ARSG: variants seen among roughly 807,000 people sequenced by gnomAD.
The protein encoded by ARSG is arylsulfatase G, also known as ASG.
ARSG carries 37 observed loss-of-function variants against 50.5 expected under a neutral mutation model. The observed-to-expected ratio is 0.73, with a 90% CI of 0.56 to 0.96. The LOEUF is 0.96. ARSG is among the 50% of genes least tolerant of loss of function. The probability of loss-of-function intolerance (pLI) is 0.00; values close to 1 mark genes in which losing one functional copy is unlikely to be tolerated. For missense variants in ARSG, 629 were observed against 675.3 expected (o/e 0.93, Z 0.76); for synonymous variants, 225 against 254.6 (o/e 0.88, Z 1.11).
chr17:68,335,059 C>T (rs935137752), intron 2 of ARSG, among the ~76,000 whole-genome samples: 8 of 152,006 alleles, frequency 5.3e-5, no homozygotes, highest in Admixed American at 2.0e-4. Context: ...TGCAGTGGTG[C>T]GATCATGATT....
At chr17:68,313,525 C>T (rs546376205) in intron 2 of ARSG, among the ~76,000 whole-genome samples, 2 of 152,248 alleles carry the variant, frequency 1.3e-5, no homozygotes, top group South Asian at 4.1e-4. Context: ...GGATTGAAGG[C>T]CCACCCTACT....
intron 1 of ARSG, among the ~76,000 whole-genome samples, chr17:68,298,825 G>A (rs1036861395): frequency 2.0e-5 from 3 of 151,880 alleles, no homozygotes; most frequent in African/African-American, 7.3e-5. Context: ...TCTTGTAAAG[G>A]CACTAATCCC....
intron 2 of ARSG, among the ~76,000 whole-genome samples, chr17:68,333,120 C>G (rs1327880359): frequency 1.3e-5 from 2 of 151,676 alleles, no homozygotes; most frequent in Non-Finnish European, 2.9e-5. Flanking sequence ...ACCATCCTGG[C>G]TAACATGGTG....
intron 8 of ARSG, among the ~76,000 whole-genome samples, chr17:68,382,139 T>C (rs2080465974): frequency 1.3e-5 from 2 of 152,010 alleles, no homozygotes; most frequent in Admixed American, 1.3e-4. Context: ...TTAGTAGAGA[T>C]GGGGTTTCAC....
the ARSG span, among the ~76,000 whole-genome samples, chr17:68,447,566 G>GACCTAGTAA: frequency 2.0e-5 from 3 of 151,902 alleles, no homozygotes; most frequent in Non-Finnish European, 4.4e-5. Flanking sequence ...TTATAGTAAA[G>GACCTAGTAA]ACCTAGTAAA....
chr17:68,439,732 C>T, the ARSG span, among the ~76,000 whole-genome samples: 2 of 152,190 alleles, frequency 1.3e-5, no homozygotes, highest in African/African-American at 2.4e-5. Flanking sequence ...CTGAGGTCTG[C>T]TATGTACTGT....
At chr17:68,438,770 T>C in the ARSG span, among the ~76,000 whole-genome samples, 2 of 152,158 alleles carry the variant, frequency 1.3e-5, no homozygotes, top group Non-Finnish European at 2.9e-5. Context: ...CCAGCTAATT[T>C]TTGTATTTTC....
chr17:68,273,835 G>T, intron 1 of ARSG: 1 of 1,439,138 alleles, frequency 6.9e-7, no homozygotes, highest in Non-Finnish European at 9.5e-7. Context: ...GAAAGAGAAA[G>T]AAATATAGTT....
the ARSG span, chr17:68,435,784 CCT>C: frequency 2.2e-6 from 3 of 1,355,628 alleles, no homozygotes; most frequent in Non-Finnish European, 3.2e-6. Flanking sequence ...CCCTCCCCTT[CCT>C]CTTTTCTCCT....
chr17:68,365,165 C>G (rs1256096573), intron 6 of ARSG, among the ~76,000 whole-genome samples: 4 of 152,064 alleles, frequency 2.6e-5, no homozygotes, highest in Non-Finnish European at 5.9e-5. Context: ...CAAAAATTAG[C>G]CAGGTGTGGT....
chr17:68,310,237 A>C (rs1599663803), intron 2 of ARSG, among the ~76,000 whole-genome samples: 1 of 152,232 alleles, frequency 6.6e-6, no homozygotes, highest in South Asian at 2.1e-4. Flanking sequence ...TGGGATTACA[A>C]GCGTGAGCCA....
intron 2 of ARSG, among the ~76,000 whole-genome samples, chr17:68,338,956 G>A (rs2078147347): frequency 6.6e-6 from 1 of 152,212 alleles, no homozygotes; most frequent in South Asian, 2.1e-4. Flanking sequence ...TGGAATGAGT[G>A]AAATGATAAA....
chr17:68,422,032 T>C (rs1600225715), downstream of ARSG: 2 of 596,020 alleles, frequency 3.4e-6, no homozygotes, highest in Non-Finnish European at 6.0e-6. Context: ...ATACTGACTA[T>C]AAAAATGTCT....
chr17:68,411,155 C>T (rs1239365395), intron 11 of ARSG, among the ~76,000 whole-genome samples: 3 of 152,038 alleles, frequency 2.0e-5, no homozygotes, highest in Non-Finnish European at 4.4e-5. Flanking sequence ...TTATTTCTTG[C>T]CTTCTGCTAG....
intron 11 of ARSG, among the ~76,000 whole-genome samples, chr17:68,414,966 T>C (rs1020319888): frequency 5.9e-5 from 9 of 152,224 alleles, no homozygotes; most frequent in Non-Finnish European, 8.8e-5. Context: ...ATTTTATTCA[T>C]ATTTTCAAAG....
chr17:68,448,073 A>G, the ARSG span, among the ~76,000 whole-genome samples: 75 of 152,228 alleles, frequency 4.9e-4, 1 homozygote, highest in African/African-American at 1.7e-3. Context: ...GTTTTTCAAA[A>G]AAGAAACTGT....
intron 2 of ARSG, among the ~76,000 whole-genome samples, chr17:68,309,602 C>T (rs1413650825): frequency 1.3e-5 from 2 of 152,098 alleles, no homozygotes; most frequent in East Asian, 1.9e-4. Context: ...CAGTGGCTCA[C>T]GCCTGTAGCA....
At chr17:68,338,501 T>C (rs1784483377) in intron 2 of ARSG, among the ~76,000 whole-genome samples, 1 of 152,152 alleles carries the variant, frequency 6.6e-6, no homozygotes, top group African/African-American at 2.4e-5. Flanking sequence ...GGCACCTGCA[T>C]AGGATTTGGA....
intron 1 of ARSG, among the ~76,000 whole-genome samples, chr17:68,298,191 G>GT (rs532323822): frequency 6.6e-6 from 1 of 152,004 alleles, no homozygotes; most frequent in East Asian, 1.9e-4. Context: ...TCACTAAATT[G>GT]TTTTTTTCCT....
Sources: allele counts gnomAD v4.1 joint callset (sites outside exome capture counted in the v4.1 genomes callset), GRCh38; gene constraint gnomAD v4.1.1; transcripts MANE v1.5; gene names NCBI Gene and HGNC (gene_info 2026-07-23, HGNC 2026-07-21).